The following GLCCI1 variants were observed in gnomAD, a reference collection of about 807,000 sequenced individuals.
The protein encoded by GLCCI1 is glucocorticoid-induced transcript 1 protein.
In GLCCI1, 24 loss-of-function variants were observed where a neutral mutation model predicts 52.2. The observed-to-expected ratio is 0.46, with a 90% CI of 0.33 to 0.65. The LOEUF (loss-of-function observed/expected upper bound fraction) is 0.65, where lower values mean the gene tolerates loss of function less well. Among genes scored for constraint, GLCCI1 ranks in the 30% least tolerant of loss-of-function variants. The pLI, the probability that GLCCI1 is intolerant of heterozygous loss-of-function variation, is 0.02. For synonymous variants in GLCCI1, 310 were observed against 276.5 expected, an observed-to-expected ratio of 1.12 and a Z score of -1.20; for missense variants, 704 against 701.5, an observed-to-expected ratio of 1.00 and a Z score of -0.04.
intron 6 of GLCCI1, among the ~76,000 whole-genome samples, chr7:8,072,079 G>C (rs1331768233): frequency 6.6e-6 from 1 of 152,108 alleles, no homozygotes; most frequent in East Asian, 1.9e-4. Flanking sequence ...ATCAAGTATA[G>C]ATATAGAAGA....
rs376644051 is a variant in GLCCI1, at chr7:7,969,165, C to A, written c.-186C>A. 7 of 513,760 alleles carry A rather than the reference C, an allele frequency of 1.4e-5. No individual in the cohort carries two copies. Among genetic ancestry groups the A allele is most frequent in the Admixed American group, 1.1e-4 (2 of 18,882 alleles). 31.8% of individuals were successfully genotyped at this position (513,760 alleles called of 1,614,324 possible). On this transcript the variant is annotated 5_prime_UTR_variant, in exon 1 of 8. Transcript: ENST00000223145. The surrounding 1 kb of genome is among the most constrained non-coding windows in gnomAD (Gnocchi z 4.9). ...TTGTTTTCGCAGCCTTCCCCTCCCC[C>A]CTCGCCGAGGCGGCGGGGGTGTGCG...
chr7:8,024,165 TTTTATGTA>T (rs1419691416), intron 3 of GLCCI1, among the ~76,000 whole-genome samples: 1 of 152,108 alleles, frequency 6.6e-6, no homozygotes, highest in Non-Finnish European at 1.5e-5. Context: ...TTTGTATAAT[TTTTATGTA>T]CTATAGGTTA....
At chr7:8,026,278 A>C (rs1781617841) in intron 3 of GLCCI1, among the ~76,000 whole-genome samples, 1 of 152,244 alleles carries the variant, frequency 6.6e-6, no homozygotes, top group East Asian at 1.9e-4. Context: ...AAAAGAAAAA[A>C]AACAAACACC....
chr7:8,028,065 T>C (rs775220336), intron 3 of GLCCI1, among the ~76,000 whole-genome samples: 191 of 152,194 alleles, frequency 1.3e-3, no homozygotes, highest in African/African-American at 4.5e-3. Context: ...AGACAGAAAA[T>C]CAGCAAGGAA....
At chr7:7,972,987 C>A (rs1257430001) in intron 1 of GLCCI1, among the ~76,000 whole-genome samples, 1 of 151,826 alleles carries the variant, frequency 6.6e-6, no homozygotes, top group South Asian at 2.1e-4. Flanking sequence ...TTTAAAACTT[C>A]AAGGTTTGTT....
At chr7:8,000,789 G>T (rs564535441) in intron 1 of GLCCI1, among the ~76,000 whole-genome samples, 2 of 152,276 alleles carry the variant, frequency 1.3e-5, no homozygotes, top group African/African-American at 4.8e-5. Context: ...TTACCATTAT[G>T]TAATGGCCTT....
At chr7:8,001,713 T>C (rs974026690) in intron 1 of GLCCI1, among the ~76,000 whole-genome samples, 1 of 152,148 alleles carries the variant, frequency 6.6e-6, no homozygotes, top group Non-Finnish European at 1.5e-5. Context: ...CAAATGTCCA[T>C]CAGTGATAGA....
intron 4 of GLCCI1, among the ~76,000 whole-genome samples, chr7:8,058,862 T>G (rs1165910474): frequency 2.0e-5 from 3 of 152,226 alleles, no homozygotes; most frequent in Admixed American, 6.5e-5. Context: ...GCCTTGCCGA[T>G]AACGTAAAAT....
At chr7:8,002,493 A>G (rs917785887) in intron 1 of GLCCI1, among the ~76,000 whole-genome samples, 1 of 152,166 alleles carries the variant, frequency 6.6e-6, no homozygotes, top group African/African-American at 2.4e-5. Context: ...AAATCTGGTA[A>G]TTTTCAGATC....
intron 1 of GLCCI1, among the ~76,000 whole-genome samples, chr7:7,979,158 CAG>C (rs1337531882): frequency 6.6e-6 from 1 of 151,966 alleles, no homozygotes; most frequent in Non-Finnish European, 1.5e-5. Flanking sequence ...AGACTGTGCT[CAG>C]AGATTAGATT....
At chr7:8,030,654 CAG>C (rs1442948262) in intron 3 of GLCCI1, among the ~76,000 whole-genome samples, 5 of 152,038 alleles carry the variant, frequency 3.3e-5, no homozygotes, top group East Asian at 1.9e-4. Flanking sequence ...GATTAACAAA[CAG>C]AATATATAAG....
intron 2 of GLCCI1, among the ~76,000 whole-genome samples, chr7:8,016,919 T>C (rs148848187): frequency 2.0e-5 from 3 of 152,334 alleles, no homozygotes; most frequent in East Asian, 3.9e-4. Flanking sequence ...TATACAATTA[T>C]GAACATTAGG....
Position 8,088,527 on chromosome 7 carries a change from A to G in GLCCI1, c.*1989A>G, listed in dbSNP as rs565469421. ...ATGAAAATACTATATTTTGTAGATT[A>G]TGGTTAAAGGGGGAAAATTACTAGT... On this transcript the variant is annotated 3_prime_UTR_variant, in exon 8 of 8. Coordinates refer to ENST00000223145, the MANE Select transcript of GLCCI1 (RefSeq NM_138426.4). The G allele has an allele frequency of 2.0e-5, 3 of 152,728 alleles. No homozygotes were observed. In the East Asian group the frequency reaches 5.8e-4, roughly 29 times the overall value. 9.5% of individuals were successfully genotyped at this position (152,728 alleles called of 1,614,324 possible). A position where few individuals can be genotyped will look rare whatever the true frequency, so the allele number is the denominator to read the frequency against.
At chr7:8,032,520 G>A (rs1315382390) in intron 3 of GLCCI1, among the ~76,000 whole-genome samples, 1 of 151,944 alleles carries the variant, frequency 6.6e-6, no homozygotes, top group Non-Finnish European at 1.5e-5. Flanking sequence ...TAGAAAAAAA[G>A]CAGACCCAAA....
At chr7:8,022,221 T>C (rs1353863949) in intron 2 of GLCCI1, among the ~76,000 whole-genome samples, 1 of 152,208 alleles carries the variant, frequency 6.6e-6, no homozygotes, top group East Asian at 1.9e-4. Context: ...TTGAATTTTA[T>C]AATTAAGTTA....
chr7:8,053,941 G>T (rs911678812), intron 3 of GLCCI1, among the ~76,000 whole-genome samples: 4 of 152,028 alleles, frequency 2.6e-5, no homozygotes, highest in Non-Finnish European at 4.4e-5. Context: ...GTCTTCAGGG[G>T]TTTGTTAAGT....
At chr7:7,994,897 C>G (rs180997984) in intron 1 of GLCCI1, among the ~76,000 whole-genome samples, 7 of 152,328 alleles carry the variant, frequency 4.6e-5, no homozygotes, top group African/African-American at 7.2e-5. Flanking sequence ...CACTCACACA[C>G]TCTCCATATT....
In GLCCI1 at chr7:8,079,900, G is replaced by A. The variant is rs187978169; in HGVS notation, c.1178-4997G>A. Among the ~76,000 whole-genome samples, 61 of 151,638 alleles carry A rather than the reference G, an allele frequency of 4.0e-4. 1 individual carries two copies. The highest frequency in any genetic ancestry group is 5.9e-4 in the Admixed American group (9 of 15,274). ...TCATTTTTCCCCTGTACTCTTTGCT[G>A]AATGCTGATCTAAAGGAGATCTTAC... On this transcript the variant is annotated intron_variant, in intron 6 of 7. Transcript: ENST00000223145.
chr7:7,969,865 T>G lies in GLCCI1; in HGVS notation c.457+58T>G. On this transcript the variant is annotated intron_variant, in intron 1 of 7. Transcript: ENST00000223145. This position sits in a 1 kb window ranked among gnomAD's most constrained non-coding sequence, Gnocchi z 4.9. Reference sequence around the variant, plus strand: ...TGCGTCTCCCCGACGGTGCCCTCCGTGGAAACTTCAGCCTCTTCGGGCTTC... The same window carrying G: ...TGCGTCTCCCCGACGGTGCCCTCCGGGGAAACTTCAGCCTCTTCGGGCTTC... The G allele has an allele frequency of 7.6e-7, 1 of 1,312,828 alleles. No individual in the cohort carries two copies. The highest frequency in any genetic ancestry group is 9.8e-7 in the Non-Finnish European group (1 of 1,020,104). The allele number at this position is 1,312,828 out of a possible 1,614,324, so 81.3% of individuals were successfully genotyped here.
Sources: allele counts gnomAD v4.1 joint callset (sites outside exome capture counted in the v4.1 genomes callset), GRCh38; gene constraint gnomAD v4.1.1; non-coding constraint Gnocchi (gnomAD v3.1); transcripts MANE v1.5; gene names NCBI Gene and HGNC (gene_info 2026-07-23, HGNC 2026-07-21).